Variants in MBD5 observed in about 807,000 individuals in gnomAD.
The protein encoded by MBD5 is methyl-CpG binding domain protein 5.
MBD5 carries 13 observed loss-of-function variants against 117.3 expected under a neutral mutation model. The ratio of observed to expected loss-of-function variants is 0.11; its 90% CI spans 0.07 to 0.18. The LOEUF is 0.18. MBD5 is among the 10% of genes least tolerant of loss of function. MBD5 has a pLI of 1.00. For synonymous variants in MBD5, 727 were observed against 766.4 expected (o/e 0.95, Z 0.85); for missense variants, 1,879 against 2,093.8 (o/e 0.90, Z 2.00).
At chr2:148,262,629 G>C (rs1041689525) in intron 3 of MBD5, among the ~76,000 whole-genome samples, 2 of 152,156 alleles carry the variant, frequency 1.3e-5, no homozygotes, top group African/African-American at 4.8e-5. Context: ...TAAGTAATTT[G>C]TCCAAGGTCA....
chr2:148,352,042 A>G (rs1703262961), intron 4 of MBD5, among the ~76,000 whole-genome samples: 1 of 152,030 alleles, frequency 6.6e-6, no homozygotes, highest in Non-Finnish European at 1.5e-5. Context: ...TAACTTTTGG[A>G]GTCAAACCCT....
chr2:148,231,071 AC>A (rs892273290), intron 2 of MBD5, among the ~76,000 whole-genome samples: 3 of 151,228 alleles, frequency 2.0e-5, no homozygotes, highest in Non-Finnish European at 2.9e-5. Context: ...TAAGTCACAT[AC>A]CCCCCTCCTC....
chr2:148,451,770 G>A (rs1706735501), intron 4 of MBD5, among the ~76,000 whole-genome samples: 1 of 152,054 alleles, frequency 6.6e-6, no homozygotes, highest in African/African-American at 2.4e-5. Context: ...AATATGAGGT[G>A]TTCACTTTTG....
intron 8 of MBD5, among the ~76,000 whole-genome samples, chr2:148,475,018 T>G (rs548184694): frequency 1.3e-5 from 2 of 152,312 alleles, no homozygotes; most frequent in African/African-American, 4.8e-5. Flanking sequence ...TGGATTATAC[T>G]ATAAAGTATC....
In MBD5 at chr2:148,455,403, G is replaced by A. The variant is rs1706851485; in HGVS notation, c.-556-2800G>A. ...GCAGACGGATTAGGGTGTCAGTCTT[G>A]ATCAGGCATCAAACTTCGAACAGGC... On this transcript the variant is annotated intron_variant, in intron 4 of 13. Transcript: ENST00000642680. 2.6e-5 allele frequency among the ~76,000 whole-genome samples: 4 copies of A among 152,256 alleles called. No homozygotes were observed. In the South Asian group the frequency reaches 8.3e-4, roughly 32 times the overall value.
In MBD5 at chr2:148,258,292, G is replaced by A. The variant is rs1039928372; in HGVS notation, c.-680+24897G>A. 3.9e-5 allele frequency among the ~76,000 whole-genome samples: 6 copies of A among 152,114 alleles called. No homozygotes were observed. The East Asian group carries it at 5.8e-4, about 15-fold the overall frequency. On this transcript the variant is annotated intron_variant, in intron 3 of 13. Coordinates refer to ENST00000642680, the MANE Select transcript of MBD5 (RefSeq NM_001378120.1). ...GGAGAAACACACACAGTATATAAAC[G>A]GGGAGTCAAACAACGGATGCCAAGG...
At chr2:148,068,937 A>G (rs574320925) in intron 1 of MBD5, among the ~76,000 whole-genome samples, 1 of 152,318 alleles carries the variant, frequency 6.6e-6, no homozygotes, top group Non-Finnish European at 1.5e-5. Context: ...CATTATAACC[A>G]ATAGGTGAGA....
chr2:148,294,504 T>TTTTTTTTTTTGTTTTTTTTTTTTGTTTTG (rs1559009513), intron 3 of MBD5, among the ~76,000 whole-genome samples: 9 of 21,502 alleles, frequency 4.2e-4, no homozygotes, highest in African/African-American at 1.4e-3. Context: ...GATTACAGTT[T>TTTTTTTTTTTGTTTTTTTTTTTTGTTTTG]TTTTTTTTTT....
intron 3 of MBD5, among the ~76,000 whole-genome samples, chr2:148,258,528 A>G (rs990721823): frequency 3.3e-5 from 5 of 152,124 alleles, no homozygotes; most frequent in East Asian, 1.9e-4. Flanking sequence ...TGTCCCCCCA[A>G]ACTGGGCATC....
chr2:148,410,172 C>G (rs1559059316), intron 4 of MBD5, among the ~76,000 whole-genome samples: 1 of 152,156 alleles, frequency 6.6e-6, no homozygotes, highest in East Asian at 1.9e-4. Context: ...GTTTATAACA[C>G]TACTTTTCCA....
chr2:148,139,337 G>T (rs12691777), intron 1 of MBD5, among the ~76,000 whole-genome samples: 63,224 of 151,820 alleles, frequency 0.42, 13,350 homozygotes, highest in Middle Eastern at 0.54. Context: ...CTCCCGAGTA[G>T]CTGGGATTAC....
chr2:148,267,510 A>G (rs931634257), intron 3 of MBD5, among the ~76,000 whole-genome samples: 7 of 152,106 alleles, frequency 4.6e-5, no homozygotes, highest in African/African-American at 1.7e-4. Flanking sequence ...ATTAATTCTG[A>G]TTTCTCTCCC....
At chr2:148,042,487 A>G (rs565714010) in intron 1 of MBD5, among the ~76,000 whole-genome samples, 1 of 152,166 alleles carries the variant, frequency 6.6e-6, no homozygotes, top group East Asian at 1.9e-4. Flanking sequence ...CCTTGGTTAC[A>G]TAAAGATATT....
At chr2:148,109,586 T>A (rs1200635828) in intron 1 of MBD5, among the ~76,000 whole-genome samples, 1 of 152,144 alleles carries the variant, frequency 6.6e-6, no homozygotes, top group Non-Finnish European at 1.5e-5. Flanking sequence ...TGATCAAAAA[T>A]TTTTTAAAAG....
intron 3 of MBD5, among the ~76,000 whole-genome samples, chr2:148,334,216 A>G (rs535677008): frequency 6.6e-6 from 1 of 152,218 alleles, no homozygotes; most frequent in South Asian, 2.1e-4. Context: ...ATCATTACCA[A>G]CTGCTGGTTT....
chr2:148,486,023 AG>A, intron 10 of MBD5, 73 bp downstream of exon 10: 1 of 1,484,778 alleles, frequency 6.7e-7, no homozygotes, highest in Non-Finnish European at 9.4e-7. Flanking sequence ...TTTGGGGGAA[AG>A]GGTGAAAAAA....
intron 4 of MBD5, among the ~76,000 whole-genome samples, chr2:148,405,119 A>G (rs921637971): frequency 2.1e-4 from 32 of 152,094 alleles, no homozygotes; most frequent in African/African-American, 7.5e-4. Flanking sequence ...TATTCAATAA[A>G]TATGTTTTTG....
intron 3 of MBD5, among the ~76,000 whole-genome samples, chr2:148,273,440 T>C (rs1003953627): frequency 4.3e-4 from 65 of 152,282 alleles, no homozygotes; most frequent in African/African-American, 1.5e-3. Flanking sequence ...ATCATTATGC[T>C]AAAACTTAAG....
intron 1 of MBD5, among the ~76,000 whole-genome samples, chr2:148,152,693 A>G (rs1363945577): frequency 6.6e-6 from 1 of 151,830 alleles, no homozygotes; most frequent in African/African-American, 2.4e-5. Context: ...CCATTATGTA[A>G]TGGCCTTCTT....
Sources: allele counts gnomAD v4.1 joint callset (sites outside exome capture counted in the v4.1 genomes callset), GRCh38; gene constraint gnomAD v4.1.1; transcripts MANE v1.5; gene names NCBI Gene and HGNC (gene_info 2026-07-23, HGNC 2026-07-21).